CFHR3: variants seen among roughly 807,000 people sequenced by gnomAD.
CFHR3 encodes complement factor H-related protein 3.
Under a neutral mutation model 36.0 loss-of-function variants are expected in CFHR3, and 22 were observed. That is an observed-to-expected ratio of 0.61 (90% CI 0.44 to 0.87). The LOEUF (loss-of-function observed/expected upper bound fraction) is 0.87. Among genes scored for constraint, CFHR3 ranks in the 40% least tolerant of loss-of-function variants. CFHR3 has a pLI of 0.00. For synonymous variants in CFHR3, 97 were observed against 137.4 expected (o/e 0.71, Z 2.06); for missense variants, 276 against 401.3 (o/e 0.69, Z 2.67).
rs1654519441 is a variant in CFHR3 at position 196,794,266 on chromosome 1, C to T, written c.*753C>T. On this transcript the variant is annotated 3_prime_UTR_variant, in exon 6 of 6. Coordinates refer to ENST00000367425, the MANE Select transcript of CFHR3 (RefSeq NM_021023.6). Reference sequence around the variant, plus strand: ...TCATCAGAGGTCAAAAGTTCAAGACCAGCCTGTTCAACACGGTGAAACCCT... The same window carrying T: ...TCATCAGAGGTCAAAAGTTCAAGACTAGCCTGTTCAACACGGTGAAACCCT... 7.3e-6 allele frequency among the ~76,000 whole-genome samples: 1 copy of T among 136,268 alleles called. No individual in the cohort carries two copies. Among genetic ancestry groups the T allele is most frequent in the African/African-American group, 3.1e-5 (1 of 32,440 alleles). The allele number at this position is 136,268 out of a possible 152,430, so 89.4% of individuals were successfully genotyped here. A position where few individuals can be genotyped will look rare whatever the true frequency, so the allele number is the denominator to read the frequency against.
rs1243392465 is a variant in CFHR3 at position 196,788,709 on chromosome 1, G to A, written c.613+311G>A. The A allele has an allele frequency of 2.9e-5, 42 of 1,454,880 alleles. 6 individuals are homozygous for A. The highest frequency in any genetic ancestry group is 3.7e-5 in the Non-Finnish European group (41 of 1,097,666). 90.1% of individuals were successfully genotyped at this position (1,454,880 alleles called of 1,614,324 possible). A position where few individuals can be genotyped will look rare whatever the true frequency, so the allele number is the denominator to read the frequency against. The stretch of plus-strand genomic sequence containing the variant: ...TATGTTAGTTGCCAATAAAAACTTT[G>A]TTGTCTTCCCTTTCTTTGTATTTCA... On this transcript the variant is annotated intron_variant, in intron 4 of 5. Transcript: ENST00000367425.
chr1:196,784,651 G>A (rs1488818022), intron 3 of CFHR3, among the ~76,000 whole-genome samples: 1 of 135,206 alleles, frequency 7.4e-6, no homozygotes, highest in Non-Finnish European at 1.6e-5. Flanking sequence ...TTTTCCATTT[G>A]CTTGGTAGAT....
rs1470481691 is a variant in CFHR3, at chr1:196,794,290, C to A, written c.*777C>A. Among the ~76,000 whole-genome samples the A allele has an allele frequency of 7.3e-6, 1 of 136,102 alleles. No homozygotes were observed. Among genetic ancestry groups the A allele is most frequent in the Non-Finnish European group, 1.6e-5 (1 of 64,346 alleles). 89.3% of individuals were successfully genotyped at this position (136,102 alleles called of 152,430 possible). A position where few individuals can be genotyped will look rare whatever the true frequency, so the allele number is the denominator to read the frequency against. Reference sequence around the variant, plus strand: ...CCAGCCTGTTCAACACGGTGAAACCCTGTCTCTACTAAAAATAGAAAAACT... The same window carrying A: ...CCAGCCTGTTCAACACGGTGAAACCATGTCTCTACTAAAAATAGAAAAACT... On this transcript the variant is annotated 3_prime_UTR_variant, in exon 6 of 6. Coordinates refer to ENST00000367425, the MANE Select transcript of CFHR3 (RefSeq NM_021023.6).
chr1:196,775,387 T>C lies in CFHR3; in HGVS notation c.58+443T>C, dbSNP rs1335659062. Reference sequence around the variant, plus strand: ...ATATATCAAAAAATCAAATAATACATTTTAAATTATGCAGTTTCTTATATT... The same window carrying C: ...ATATATCAAAAAATCAAATAATACACTTTAAATTATGCAGTTTCTTATATT... On this transcript the variant is annotated intron_variant, in intron 1 of 5. Transcript: ENST00000367425. Among the ~76,000 whole-genome samples, 2 of 137,012 alleles carry C rather than the reference T, an allele frequency of 1.5e-5. 1 individual carries two copies. The highest frequency in any genetic ancestry group is 5.0e-4 in the South Asian group (2 of 4,000). 89.9% of individuals were successfully genotyped at this position (137,012 alleles called of 152,430 possible).
At chr1:196,784,389 T>C (rs1654099621) in intron 3 of CFHR3, among the ~76,000 whole-genome samples, 1 of 136,058 alleles carries the variant, frequency 7.3e-6, no homozygotes, top group Non-Finnish European at 1.6e-5. Flanking sequence ...ATCTGTCTAA[T>C]GTTGACAGTG....
chr1:196,790,584 C>A (rs1196657331), intron 5 of CFHR3, among the ~76,000 whole-genome samples: 1 of 135,300 alleles, frequency 7.4e-6, no homozygotes, highest in Non-Finnish European at 1.6e-5. Context: ...ATTAGCCAGG[C>A]ATGCTGGCAT....
rs1653945781 is a variant in CFHR3 at position 196,781,474 on chromosome 1, A to C, written c.430+1501A>C. Among the ~76,000 whole-genome samples, 3 of 133,656 alleles carry C rather than the reference A, an allele frequency of 2.2e-5. 1 individual carries two copies. Among genetic ancestry groups the C allele is most frequent in the African/African-American group, 3.2e-5 (1 of 31,144 alleles). The allele number at this position is 133,656 out of a possible 152,430, so 87.7% of individuals were successfully genotyped here. A position where few individuals can be genotyped will look rare whatever the true frequency, so the allele number is the denominator to read the frequency against. Reference sequence around the variant, plus strand: ...CCTCTCCAGCACCTGTTGTTTCCTGACTTTTTAATGATTGCCATTCTAACT... The same window carrying C: ...CCTCTCCAGCACCTGTTGTTTCCTGCCTTTTTAATGATTGCCATTCTAACT... On this transcript the variant is annotated intron_variant, in intron 3 of 5. Coordinates refer to ENST00000367425, the MANE Select transcript of CFHR3 (RefSeq NM_021023.6).
In CFHR3 at chr1:196,788,479, T is replaced by C. The variant is rs374828613; in HGVS notation, c.613+81T>C. On this transcript the variant is annotated intron_variant, in intron 4 of 5. Coordinates refer to ENST00000367425, the MANE Select transcript of CFHR3 (RefSeq NM_021023.6). ...GATGATAGTGTTTTACTTAAAAATA[T>C]AGAAAACAATTTTAGGAGTAAAGAG... 703 of 1,489,698 alleles carry C rather than the reference T, an allele frequency of 4.7e-4. 158 individuals carry two copies. In the South Asian group the frequency reaches 8.9e-3, roughly 19 times the overall value. The allele number at this position is 1,489,698 out of a possible 1,614,324, so 92.3% of individuals were successfully genotyped here. A position where few individuals can be genotyped will look rare whatever the true frequency, so the allele number is the denominator to read the frequency against.
At chr1:196,792,736 G>A (rs1466042442) in intron 5 of CFHR3, among the ~76,000 whole-genome samples, 2 of 132,824 alleles carry the variant, frequency 1.5e-5, no homozygotes, top group Non-Finnish European at 3.2e-5. Context: ...GATAGATGAT[G>A]TTGATAGAGA....
At chr1:196,780,713 C>G (rs1293492249) in intron 3 of CFHR3, among the ~76,000 whole-genome samples, 2 of 135,712 alleles carry the variant, frequency 1.5e-5, no homozygotes, top group Non-Finnish European at 3.1e-5. Flanking sequence ...ATTGTTCTTT[C>G]CTTTTTTCTG....
Position 196,787,569 on chromosome 1 carries a change from T to C in CFHR3, c.431-647T>C, listed in dbSNP as rs184567951. Reference sequence around the variant, plus strand: ...TAAAATAATTACTACCTTGTACATATACCCATTAGTAATGTATAGAACACA... The same window carrying C: ...TAAAATAATTACTACCTTGTACATACACCCATTAGTAATGTATAGAACACA... On this transcript the variant is annotated intron_variant, in intron 3 of 5. Transcript: ENST00000367425. Among the ~76,000 whole-genome samples, 61 of 137,304 alleles carry C rather than the reference T, an allele frequency of 4.4e-4. 20 individuals are homozygous for C. The highest frequency in any genetic ancestry group is 1.8e-3 in the African/African-American group (58 of 32,900). The allele number at this position is 137,304 out of a possible 152,430, so 90.1% of individuals were successfully genotyped here. A position where few individuals can be genotyped will look rare whatever the true frequency, so the allele number is the denominator to read the frequency against.
At position 196,794,813 on chromosome 1, in the gene CFHR3, C is replaced by T. The variant is rs1199159736; in HGVS notation, c.*1300C>T. ...CAGGGTAAGAAGAAAACAATGTTCC[C>T]TTTCCCAACACTTTTCCTGATTATA... is the stretch of plus-strand genomic sequence containing the variant. On this transcript the variant is annotated 3_prime_UTR_variant, in exon 6 of 6. Transcript: ENST00000367425. 3 of 247,228 alleles carry T rather than the reference C, an allele frequency of 1.2e-5. No homozygotes were observed. The highest frequency in any genetic ancestry group is 1.1e-4 in the Admixed American group (2 of 18,266). 15.3% of individuals were successfully genotyped at this position (247,228 alleles called of 1,614,324 possible). A position where few individuals can be genotyped will look rare whatever the true frequency, so the allele number is the denominator to read the frequency against.
In CFHR3 at chr1:196,793,256, G is replaced by T. The variant is rs533563914; in HGVS notation, c.797-61G>T. Reference sequence around the variant, plus strand: ...TTTATCCTAAACTACTCATTAGGATGCATTTTATTTGCTCATGAAAGAGAA... The same window carrying T: ...TTTATCCTAAACTACTCATTAGGATTCATTTTATTTGCTCATGAAAGAGAA... On this transcript the variant is annotated intron_variant, in intron 5 of 5. Transcript: ENST00000367425. The T allele has an allele frequency of 3.7e-6, 5 of 1,348,570 alleles. 1 individual carries two copies. The African/African-American group carries it at 5.5e-5, about 15-fold the overall frequency. 83.5% of individuals were successfully genotyped at this position (1,348,570 alleles called of 1,614,324 possible).
rs1156522479 is a variant in CFHR3, at chr1:196,794,200, C to G, written c.*687C>G. The G allele has an allele frequency of 6.6e-6, 1 of 152,666 alleles. No individual in the cohort carries two copies. The highest frequency in any genetic ancestry group is 1.3e-5 in the Non-Finnish European group (1 of 74,812). 9.5% of individuals were successfully genotyped at this position (152,666 alleles called of 1,614,324 possible). A position where few individuals can be genotyped will look rare whatever the true frequency, so the allele number is the denominator to read the frequency against. On this transcript the variant is annotated 3_prime_UTR_variant, in exon 6 of 6. Coordinates refer to ENST00000367425, the MANE Select transcript of CFHR3 (RefSeq NM_021023.6). ...GATGCTGAAGCCAGGTGCAGTGGCA[C>G]ACGCCTGTAATCCTAGCACTTTGAG...
chr1:196,784,388 A>T lies in CFHR3; in HGVS notation c.431-3828A>T, dbSNP rs973223598. Reference sequence around the variant, plus strand: ...ACTTTCCATCTCGTTGATCTGTCTAATGTTGACAGTGGTGTGTTAAAGTCT... The same window carrying T: ...ACTTTCCATCTCGTTGATCTGTCTATTGTTGACAGTGGTGTGTTAAAGTCT... On this transcript the variant is annotated intron_variant, in intron 3 of 5. Transcript: ENST00000367425. Among the ~76,000 whole-genome samples, 4 of 135,610 alleles carry T rather than the reference A, an allele frequency of 2.9e-5. 1 individual carries two copies. The highest frequency in any genetic ancestry group is 1.2e-4 in the African/African-American group (4 of 32,008). 89.0% of individuals were successfully genotyped at this position (135,610 alleles called of 152,430 possible).
intron 3 of CFHR3, among the ~76,000 whole-genome samples, chr1:196,787,092 C>T (rs970159298): frequency 7.3e-6 from 1 of 137,254 alleles, no homozygotes; most frequent in Non-Finnish European, 1.5e-5. Flanking sequence ...ACAAAACATT[C>T]CATTATAGAA....
intron 3 of CFHR3, among the ~76,000 whole-genome samples, chr1:196,783,035 G>A (rs1209895459): frequency 7.3e-6 from 1 of 136,766 alleles, no homozygotes; most frequent in African/African-American, 3.1e-5. Context: ...TTTGTCAAAG[G>A]CCTTTTCTGC....
At chr1:196,784,959 G>A (rs1654132329) in intron 3 of CFHR3, among the ~76,000 whole-genome samples, 1 of 136,574 alleles carries the variant, frequency 7.3e-6, no homozygotes, top group African/African-American at 3.1e-5. Context: ...TCCTTTCCAT[G>A]TTTAGTGCTT....
chr1:196,777,519 T>C (rs1464524445), intron 1 of CFHR3, among the ~76,000 whole-genome samples: 2 of 136,510 alleles, frequency 1.5e-5, no homozygotes, highest in Non-Finnish European at 3.1e-5. Context: ...CGTGTCCCCA[T>C]TACACTTTGG....
Sources: allele counts gnomAD v4.1 joint callset (sites outside exome capture counted in the v4.1 genomes callset), GRCh38; gene constraint gnomAD v4.1.1; transcripts MANE v1.5; gene names NCBI Gene and HGNC (gene_info 2026-07-23, HGNC 2026-07-21).